FOXK1: variants seen among roughly 807,000 people sequenced by gnomAD.
The protein encoded by FOXK1 is forkhead box K1.
In FOXK1, 19 loss-of-function variants were observed where a neutral mutation model predicts 51.9. That is an observed-to-expected ratio of 0.37 (90% CI 0.26 to 0.54). FOXK1 has a LOEUF of 0.54. Among genes scored for constraint, FOXK1 ranks in the 20% least tolerant of loss-of-function variants. The pLI, the probability that FOXK1 is intolerant of heterozygous loss-of-function variation, is 0.87. For synonymous variants in FOXK1, 537 were observed against 482.6 expected, an observed-to-expected ratio of 1.11 and a Z score of -1.48; for missense variants, 870 against 1,032.7, an observed-to-expected ratio of 0.84 and a Z score of 2.16.
intron 1 of FOXK1, among the ~76,000 whole-genome samples, chr7:4,693,080 C>G (rs1254130642): frequency 1.3e-5 from 2 of 152,070 alleles, no homozygotes; most frequent in Non-Finnish European, 2.9e-5. Flanking sequence ...ACGTTAAAAC[C>G]TATTGCTCTT....
rs1033847240 is a variant in FOXK1, at chr7:4,750,422, C to A, written c.747-4037C>A. On this transcript the variant is annotated intron_variant, in intron 2 of 8. Coordinates refer to ENST00000328914, the MANE Select transcript of FOXK1 (RefSeq NM_001037165.2). ...ATTCCCGCAGGAGGAAATGTGTGCA[C>A]GTGTATGCCGTCGTTTTCAGCACTT... Among the ~76,000 whole-genome samples the A allele has an allele frequency of 2.6e-5, 4 of 151,450 alleles. No individual in the cohort carries two copies. In the East Asian group the frequency reaches 7.8e-4, roughly 29 times the overall value.
intron 1 of FOXK1, among the ~76,000 whole-genome samples, chr7:4,724,996 G>A (rs1780360545): frequency 6.6e-6 from 1 of 152,228 alleles, no homozygotes; most frequent in Non-Finnish European, 1.5e-5. Context: ...GTGGGTTTGG[G>A]GGGAGCCCCG....
chr7:4,727,350 C>G (rs552238953), intron 1 of FOXK1, among the ~76,000 whole-genome samples: 2 of 152,226 alleles, frequency 1.3e-5, no homozygotes, highest in African/African-American at 4.8e-5. Flanking sequence ...GCGTCTTACT[C>G]TGTTACCCAG....
Position 4,761,080 on chromosome 7 carries a change from C to T in FOXK1, c.1713C>T (p.Pro571=), listed in dbSNP as rs774571574. 2.5e-6 allele frequency: 4 copies of T among 1,612,472 alleles called. No homozygotes were observed. The highest frequency in any genetic ancestry group is 3.4e-6 in the Non-Finnish European group (4 of 1,179,474). The stretch of plus-strand genomic sequence containing the variant: ...GTCCCGCAGGCCTGGAGGAGAAACC[C>T]ACCATTGCGTTTGCCACAATCCCCG... ...GSEARGLEEK[P]TIAFATIPAA... is the part of the protein sequence containing the mutation. The change falls in exon 8 of 9, where the codon CCC becomes CCT. Residue 571 remains proline, a synonymous_variant. Transcript: ENST00000328914. This position sits in a 1 kb window ranked among gnomAD's most constrained non-coding sequence, Gnocchi z 6.2.
chr7:4,751,302 C>T (rs1445937480), intron 2 of FOXK1, among the ~76,000 whole-genome samples: 1 of 151,958 alleles, frequency 6.6e-6, no homozygotes, highest in Non-Finnish European at 1.5e-5. Context: ...GATTACCAAT[C>T]CCAAAGCACT....
At chr7:4,714,543 G>C (rs910454995) in intron 1 of FOXK1, among the ~76,000 whole-genome samples, 7 of 152,180 alleles carry the variant, frequency 4.6e-5, no homozygotes, top group Admixed American at 3.9e-4. Context: ...CCAGAGTGTT[G>C]GGATTACGGG....
chr7:4,713,004 G>A (rs7455271), intron 1 of FOXK1, among the ~76,000 whole-genome samples: 63,071 of 151,728 alleles, frequency 0.42, 13,934 homozygotes, highest in African/African-American at 0.56. Context: ...ATAATGACCA[G>A]TGCCAGCAAA....
rs1486545178 is a variant in FOXK1, at chr7:4,711,591, TCAAGAGTGC to T, written c.560+28726_560+28734del. On this transcript the variant is annotated intron_variant, in intron 1 of 8. Transcript: ENST00000328914. This position sits in a 1 kb window ranked among gnomAD's most constrained non-coding sequence, Gnocchi z 6.3. The stretch of plus-strand genomic sequence containing the variant: ...TTGGATGGGGAGATCAGAGTGGGTC[TCAAGAGTGC>T]CACTCCTCGGCATTGTGTGGATGGG... Among the ~76,000 whole-genome samples, 2 of 152,136 alleles carry T rather than the reference TCAAGAGTGC, an allele frequency of 1.3e-5. No homozygotes were observed. Among genetic ancestry groups the T allele is most frequent in the Non-Finnish European group, 2.9e-5 (2 of 68,022 alleles).
chr7:4,701,780 C>G (rs1005425324), intron 1 of FOXK1, among the ~76,000 whole-genome samples: 6 of 152,222 alleles, frequency 3.9e-5, no homozygotes, highest in African/African-American at 1.4e-4. Flanking sequence ...GTAGTCCCAG[C>G]TACTCGGGAG....
chr7:4,734,388 C>T lies in FOXK1; in HGVS notation c.561-6450C>T, dbSNP rs1260974671. 1.3e-5 allele frequency among the ~76,000 whole-genome samples: 2 copies of T among 152,198 alleles called. No homozygotes were observed. Among genetic ancestry groups the T allele is most frequent in the Non-Finnish European group, 2.9e-5 (2 of 68,030 alleles). Reference sequence around the variant, plus strand: ...CTCTTGTGGTCCTGGCCTTGGTGGGCAGGTGCAGGGCCCGCTCCCTCCTTG... The same window carrying T: ...CTCTTGTGGTCCTGGCCTTGGTGGGTAGGTGCAGGGCCCGCTCCCTCCTTG... On this transcript the variant is annotated intron_variant, in intron 1 of 8. Transcript: ENST00000328914. This position sits in a 1 kb window ranked among gnomAD's most constrained non-coding sequence, Gnocchi z 5.2.
chr7:4,733,386 G>A lies in FOXK1; in HGVS notation c.561-7452G>A, dbSNP rs76666907. 0.067 allele frequency among the ~76,000 whole-genome samples: 10,184 copies of A among 152,054 alleles called. 488 individuals carry two copies. Among genetic ancestry groups the A allele is most frequent in the Non-Finnish European group, 0.11 (7,198 of 67,956 alleles). Reference sequence around the variant, plus strand: ...GGAGGCACCAGACTTTTTCTATTACGTTGCTTGTTGCTCCGTTATGCAGTG... The same window carrying A: ...GGAGGCACCAGACTTTTTCTATTACATTGCTTGTTGCTCCGTTATGCAGTG... On this transcript the variant is annotated intron_variant, in intron 1 of 8. Coordinates refer to ENST00000328914, the MANE Select transcript of FOXK1 (RefSeq NM_001037165.2). The surrounding 1 kb of genome is among the most constrained non-coding windows in gnomAD (Gnocchi z 5.0).
At chr7:4,690,680 T>C (rs1267100581) in intron 1 of FOXK1, among the ~76,000 whole-genome samples, 1 of 152,164 alleles carries the variant, frequency 6.6e-6, no homozygotes, top group East Asian at 1.9e-4. Flanking sequence ...GAAAAAGGGT[T>C]TGTGGGTGCT....
Position 4,703,351 on chromosome 7 carries a change from G to T in FOXK1, c.560+20483G>T, listed in dbSNP as rs963961510. Reference sequence around the variant, plus strand: ...TAGGACATGGAGTGGGTAGGGCGTTGTGACAGCCTGGCTCTCAGGGGATGG... The same window carrying T: ...TAGGACATGGAGTGGGTAGGGCGTTTTGACAGCCTGGCTCTCAGGGGATGG... On this transcript the variant is annotated intron_variant, in intron 1 of 8. Transcript: ENST00000328914. This position sits in a 1 kb window ranked among gnomAD's most constrained non-coding sequence, Gnocchi z 5.6. Among the ~76,000 whole-genome samples, 6 of 152,214 alleles carry T rather than the reference G, an allele frequency of 3.9e-5. No homozygotes were observed. The highest frequency in any genetic ancestry group is 1.4e-4 in the African/African-American group (6 of 41,452).
rs1235535797 is a variant in FOXK1 at position 4,755,926 on chromosome 7, T to C, written c.1050+543T>C. Among the ~76,000 whole-genome samples, 1 of 152,192 alleles carries C rather than the reference T, an allele frequency of 6.6e-6. No individual in the cohort carries two copies. Among genetic ancestry groups the C allele is most frequent in the Non-Finnish European group, 1.5e-5 (1 of 68,046 alleles). On this transcript the variant is annotated intron_variant, in intron 4 of 8. Coordinates refer to ENST00000328914, the MANE Select transcript of FOXK1 (RefSeq NM_001037165.2). This position sits in a 1 kb window ranked among gnomAD's most constrained non-coding sequence, Gnocchi z 6.6. Reference sequence around the variant, plus strand: ...CTACACCTTGTTAGATTTTTGTGCTTGCTGTGCCTCACAATCCCACGTTAA... The same window carrying C: ...CTACACCTTGTTAGATTTTTGTGCTCGCTGTGCCTCACAATCCCACGTTAA...
chr7:4,682,543 G>A lies in FOXK1; in HGVS notation c.235G>A (p.Gly79Arg), dbSNP rs1463181357. 4.4e-6 allele frequency: 5 copies of A among 1,144,174 alleles called. No individual in the cohort carries two copies. The highest frequency in any genetic ancestry group is 4.2e-5 in the South Asian group (1 of 23,770). 70.9% of individuals were successfully genotyped at this position (1,144,174 alleles called of 1,614,324 possible). The change falls in exon 1 of 9, where the codon GGG (glycine) becomes AGG (arginine). Residue 79 changes from glycine to arginine, a missense_variant. By Grantham distance (125) the Gly-to-Arg change is moderately radical (BLOSUM62 -2). Coordinates refer to ENST00000328914, the MANE Select transcript of FOXK1 (RefSeq NM_001037165.2). This position sits in a 1 kb window ranked among gnomAD's most constrained non-coding sequence, Gnocchi z 7.6. ...GSSGGSSGVS[G>R]DSAVAGAAPA... is the part of the protein sequence containing the mutation. ...CTCCGGGGGCTCCTCCGGGGTATCC[G>A]GGGACTCCGCGGTCGCGGGCGCGGC...
intron 1 of FOXK1, among the ~76,000 whole-genome samples, chr7:4,694,605 G>A (rs900776673): frequency 2.6e-5 from 4 of 152,202 alleles, no homozygotes; most frequent in African/African-American, 9.6e-5. Flanking sequence ...GGATTCTGGG[G>A]CTTGGTCTTT....
At chr7:4,706,967 C>G (rs1780110009) in intron 1 of FOXK1, among the ~76,000 whole-genome samples, 1 of 152,216 alleles carries the variant, frequency 6.6e-6, no homozygotes, top group African/African-American at 2.4e-5. Context: ...CGGGCCACTT[C>G]CCTCTACCCT....
intron 1 of FOXK1, among the ~76,000 whole-genome samples, chr7:4,713,334 C>A (rs11982076): frequency 9.2e-5 from 14 of 151,948 alleles, no homozygotes; most frequent in Admixed American, 2.6e-4. Flanking sequence ...CACTGAGATT[C>A]CCGCTCACTG....
At chr7:4,760,936 T>A in intron 7 of FOXK1, 128 bp from the exon 8 acceptor site, 1 of 803,214 alleles carries the variant, frequency 1.2e-6, no homozygotes, top group Non-Finnish European at 2.1e-6. Context: ...GGGATTTTCC[T>A]CTAGCAAACC....
Sources: allele counts gnomAD v4.1 joint callset (sites outside exome capture counted in the v4.1 genomes callset), GRCh38; gene constraint gnomAD v4.1.1; non-coding constraint Gnocchi (gnomAD v3.1); transcripts MANE v1.5; gene names NCBI Gene and HGNC (gene_info 2026-07-23, HGNC 2026-07-21).